The following CSMD3 variants were observed in gnomAD, a reference collection of about 807,000 sequenced individuals.
CSMD3 encodes the protein CUB and Sushi multiple domains 3.
CSMD3 carries 177 observed loss-of-function variants against 435.2 expected under a neutral mutation model. The observed-to-expected ratio is 0.41, with a 90% confidence interval of 0.36 to 0.46. The LOEUF (loss-of-function observed/expected upper bound fraction) is 0.46. Ranked by LOEUF, CSMD3 falls within the 20% of genes least tolerant of loss-of-function variation. The pLI, the probability that CSMD3 is intolerant of heterozygous loss-of-function variation, is 0.34. For missense variants in CSMD3, 4,265 were observed against 4,504.6 expected (o/e 0.95, Z 1.52); for synonymous variants, 1,656 against 1,520.5 (o/e 1.09, Z -2.07).
chr8:112,344,074 A>T (rs1825444545), intron 41 of CSMD3, among the ~76,000 whole-genome samples: 1 of 151,686 alleles, frequency 6.6e-6, no homozygotes, highest in Non-Finnish European at 1.5e-5. Context: ...AATAGAGATG[A>T]GGTTTCACCA....
chr8:112,437,644 C>A (rs541862343), intron 32 of CSMD3, among the ~76,000 whole-genome samples: 4 of 151,976 alleles, frequency 2.6e-5, no homozygotes, highest in African/African-American at 9.6e-5. Context: ...ATATTGAAAG[C>A]TTTTCTTTTA....
intron 13 of CSMD3, among the ~76,000 whole-genome samples, chr8:112,711,471 A>C (rs2076608397): frequency 6.6e-6 from 1 of 152,064 alleles, no homozygotes; most frequent in Admixed American, 6.6e-5. Flanking sequence ...TTTCTAACTT[A>C]TTTTCGTGTG....
chr8:112,346,077 C>A lies in CSMD3; in HGVS notation c.6442+20G>T, dbSNP rs1279331238. Reference sequence around the variant, plus strand: ...TTAATAAATATTGAAAGCTCTTTCACGTGTTTTTAATACACATACCAAAAC... The same window carrying A: ...TTAATAAATATTGAAAGCTCTTTCAAGTGTTTTTAATACACATACCAAAAC... On this transcript the variant is annotated intron_variant, in intron 41 of 70. Transcript: ENST00000297405. The A allele has an allele frequency of 8.4e-7, 1 of 1,194,816 alleles. No homozygotes were observed. The highest frequency in any genetic ancestry group is 2.3e-5 in the East Asian group (1 of 42,932). The allele number at this position is 1,194,816 out of a possible 1,614,324, so 74.0% of individuals were successfully genotyped here. A position where few individuals can be genotyped will look rare whatever the true frequency, so the allele number is the denominator to read the frequency against.
At chr8:112,849,251 T>C (rs778031081) in intron 11 of CSMD3, among the ~76,000 whole-genome samples, 1 of 152,048 alleles carries the variant, frequency 6.6e-6, no homozygotes, top group Non-Finnish European at 1.5e-5. Context: ...ATTTTCTTCG[T>C]TGTGAGATTT....
intron 32 of CSMD3, among the ~76,000 whole-genome samples, chr8:112,443,019 T>A (rs1450139084): frequency 6.6e-6 from 1 of 152,228 alleles, no homozygotes; most frequent in African/African-American, 2.4e-5. Flanking sequence ...TTAGTCTCTA[T>A]CCTAATAATA....
At chr8:112,341,250 G>A (rs1054022973) in intron 42 of CSMD3, among the ~76,000 whole-genome samples, 1 of 151,828 alleles carries the variant, frequency 6.6e-6, no homozygotes, top group Non-Finnish European at 1.5e-5. Flanking sequence ...ATTCAATCCA[G>A]TTTCATGGTT....
intron 5 of CSMD3, among the ~76,000 whole-genome samples, chr8:113,081,416 G>C (rs1423073914): frequency 6.6e-6 from 1 of 152,000 alleles, no homozygotes; most frequent in Non-Finnish European, 1.5e-5. Context: ...TGTCTTTGTT[G>C]GGACTCCCCC....
intron 2 of CSMD3, among the ~76,000 whole-genome samples, chr8:113,292,969 C>G (rs1037204480): frequency 5.9e-5 from 9 of 151,724 alleles, no homozygotes; most frequent in Non-Finnish European, 1.3e-4. Flanking sequence ...ACAAACTGTT[C>G]CAGCAGGCAT....
chr8:112,324,509 T>C (rs966317744), intron 45 of CSMD3, among the ~76,000 whole-genome samples: 2 of 152,030 alleles, frequency 1.3e-5, no homozygotes, highest in Non-Finnish European at 2.9e-5. Context: ...GCCTGCTCTG[T>C]ATATGCTAAT....
At chr8:113,352,704 T>C (rs905198859) in intron 1 of CSMD3, among the ~76,000 whole-genome samples, 2 of 151,858 alleles carry the variant, frequency 1.3e-5, no homozygotes, top group African/African-American at 4.8e-5. Context: ...AGACAAAGAC[T>C]GAAAAGAAAA....
At chr8:113,373,588 TATTA>T (rs912730789) in intron 1 of CSMD3, among the ~76,000 whole-genome samples, 3 of 152,108 alleles carry the variant, frequency 2.0e-5, no homozygotes, top group African/African-American at 7.2e-5. Context: ...TAAAGATGTT[TATTA>T]ATTAACTTTA....
chr8:112,643,523 T>C (rs10505168), intron 20 of CSMD3: 59,913 of 169,910 alleles, frequency 0.35, 11,265 homozygotes, highest in African/African-American at 0.5. Flanking sequence ...TTAATTAACA[T>C]TTGCAACCTG....
At chr8:112,413,502 G>T (rs1335842329) in intron 32 of CSMD3, among the ~76,000 whole-genome samples, 2 of 152,122 alleles carry the variant, frequency 1.3e-5, no homozygotes, top group Non-Finnish European at 2.9e-5. Flanking sequence ...ATCAATAAAT[G>T]ATGACAGTGT....
chr8:113,408,545 G>A (rs2094543242), intron 1 of CSMD3, among the ~76,000 whole-genome samples: 1 of 151,898 alleles, frequency 6.6e-6, no homozygotes, highest in Admixed American at 6.6e-5. Flanking sequence ...TGAAGATATT[G>A]TCTGATCTAA....
chr8:112,662,811 T>C (rs182391763), intron 17 of CSMD3, among the ~76,000 whole-genome samples: 1,685 of 151,782 alleles, frequency 0.011, 36 homozygotes, highest in African/African-American at 0.038. Context: ...TACAATGAAC[T>C]CAAACAAATT....
intron 6 of CSMD3, among the ~76,000 whole-genome samples, chr8:112,995,701 T>A (rs747793972): frequency 7.9e-5 from 12 of 151,364 alleles, no homozygotes; most frequent in Middle Eastern, 6.8e-3. Flanking sequence ...AAAAAGGGAG[T>A]CCTTGTCTCT....
At chr8:112,537,838 C>G (rs778603825) in intron 27 of CSMD3, among the ~76,000 whole-genome samples, 15 of 151,846 alleles carry the variant, frequency 9.9e-5, no homozygotes, top group Non-Finnish European at 1.8e-4. Flanking sequence ...CACACTATTT[C>G]AAAAAACTGA....
intron 22 of CSMD3, among the ~76,000 whole-genome samples, chr8:112,623,083 A>G (rs1834205064): frequency 1.3e-5 from 2 of 152,250 alleles, no homozygotes; most frequent in South Asian, 4.1e-4. Flanking sequence ...CAACATAGAA[A>G]AATGCATGAA....
chr8:112,332,532 A>C (rs1824165948), intron 45 of CSMD3, among the ~76,000 whole-genome samples: 1 of 152,286 alleles, frequency 6.6e-6, no homozygotes, highest in Non-Finnish European at 1.5e-5. Context: ...TGCATTCTTG[A>C]AAAGGCAGGT....
Sources: gnomAD v4.1 joint callset for allele counts (sites outside exome capture counted in the v4.1 genomes callset) on GRCh38, gnomAD v4.1.1 for gene constraint, MANE v1.5 for transcripts, NCBI Gene and HGNC (gene_info 2026-07-23, HGNC 2026-07-21) for gene names.